The following CYP2R1 variants were observed in gnomAD, a reference collection of about 807,000 sequenced individuals.
The protein encoded by CYP2R1 is cytochrome P450 family 2 subfamily R member 1.
Under a neutral mutation model 45.7 loss-of-function variants are expected in CYP2R1, and 40 were observed. The ratio of observed to expected loss-of-function variants is 0.87; its 90% CI spans 0.68 to 1.14. The LOEUF is 1.14. CYP2R1 is among the 50% of genes most tolerant of loss of function. The pLI, the probability that CYP2R1 is intolerant of heterozygous loss-of-function variation, is 0.00. For synonymous variants in CYP2R1, 234 were observed against 219.3 expected, an observed-to-expected ratio of 1.07 and a Z score of -0.59; for missense variants, 605 against 602.6, an observed-to-expected ratio of 1.00 and a Z score of -0.04.
intron 1 of CYP2R1, among the ~76,000 whole-genome samples, chr11:14,888,238 C>A (rs782267803): frequency 2.6e-5 from 4 of 152,146 alleles, no homozygotes; most frequent in Non-Finnish European, 4.4e-5. Context: ...CTGTCTTCCC[C>A]CAACTAGAAT....
In CYP2R1 at chr11:14,885,821, C is replaced by T; in HGVS notation, c.322G>A (p.Asp108Asn). ...CLVHQSEIFA[D>N]RPCLPLFMKM... ...ATGAATAAAGGAAGGCATGGTCTGT[C>T]TGCAAAAATTTCGCTTTGATGAACA... The change falls in exon 2 of 5, where the codon GAC becomes AAC. Residue 108 changes from aspartate to asparagine, a missense_variant. Coordinates refer to ENST00000334636, the MANE Select transcript of CYP2R1 (RefSeq NM_024514.5). 6.2e-7 allele frequency: 1 copy of T among 1,613,472 alleles called. No homozygotes were observed. The highest frequency in any genetic ancestry group is 2.2e-5 in the East Asian group (1 of 44,860).
chr11:14,878,337 C>T (rs782272712), intron 4 of CYP2R1, 40 bp from the exon 5 acceptor site: 3 of 1,580,830 alleles, frequency 1.9e-6, no homozygotes, highest in Non-Finnish European at 2.6e-6. Context: ...TTTAAACCCA[C>T]AATCTTTACC....
chr11:14,886,037 G>A, intron 1 of CYP2R1, 120 bp from the exon 2 acceptor site: 1 of 942,546 alleles, frequency 1.1e-6, no homozygotes, highest in Non-Finnish European at 1.7e-6. Flanking sequence ...TGAAAATATA[G>A]GCAGTTATTA....
chr11:14,884,074 C>G (rs1471490214), intron 2 of CYP2R1, among the ~76,000 whole-genome samples: 1 of 152,076 alleles, frequency 6.6e-6, no homozygotes, highest in South Asian at 2.1e-4. Context: ...TACTTTTACA[C>G]TGTTGGTGGG....
intron 1 of CYP2R1, 33 bp downstream of exon 1, chr11:14,891,948 G>A: frequency 1.2e-6 from 2 of 1,605,176 alleles, no homozygotes; most frequent in Non-Finnish European, 1.7e-6. Flanking sequence ...CAGCCTGGCG[G>A]CCCTCCCTGC....
Position 14,879,359 on chromosome 11 carries a change from T to C in CYP2R1, c.1085A>G (p.Glu362Gly). 6.2e-7 allele frequency: 1 copy of C among 1,611,992 alleles called. No homozygotes were observed. Among genetic ancestry groups the C allele is most frequent in the Non-Finnish European group, 8.5e-7 (1 of 1,179,514 alleles). ...WDDKCKMPYT[E>G]AVLHEVLRFC... The stretch of plus-strand genomic sequence containing the variant: ...TCTTAAAACTTCATGCAAAACTGCC[T>C]CAGTATAAGGCATTTTGCATTTGTC... Residue 362 changes from glutamate (E) to glycine (G), a missense_variant, in exon 4 of 5, where the codon GAG (glutamate) becomes GGG (glycine). Coordinates refer to ENST00000334636, the MANE Select transcript of CYP2R1 (RefSeq NM_024514.5).
In CYP2R1 at chr11:14,877,781, G is replaced by A. The variant is rs1848212864; in HGVS notation, c.*341C>T. 4 of 223,874 alleles carry A rather than the reference G, an allele frequency of 1.8e-5. No individual in the cohort carries two copies. In the South Asian group the frequency reaches 3.9e-4, roughly 22 times the overall value. 13.9% of individuals were successfully genotyped at this position (223,874 alleles called of 1,614,324 possible). A position where few individuals can be genotyped will look rare whatever the true frequency, so the allele number is the denominator to read the frequency against. ...TGGTTTCTGGAACCAAGGCCCCCCA[G>A]GACAGAAGGCAGATGGAGTCAAGAA... On this transcript the variant is annotated 3_prime_UTR_variant, in exon 5 of 5. Coordinates refer to ENST00000334636, the MANE Select transcript of CYP2R1 (RefSeq NM_024514.5).
At chr11:14,889,180 C>G (rs1041332325) in intron 1 of CYP2R1, among the ~76,000 whole-genome samples, 1 of 101,460 alleles carries the variant, frequency 9.9e-6, no homozygotes. Context: ...TTTTTTTTTT[C>G]TGTGAGCATA....
In CYP2R1 at chr11:14,880,435, C is replaced by T. The variant is rs782006425; in HGVS notation, c.701G>A (p.Trp234Ter). Reference sequence around the variant, plus strand: ...TTTTCCAAAAGGCAGGATGCCAATCCATGGAAAGGCATTATACAAGAAGAC... The same window carrying T: ...TTTTCCAAAAGGCAGGATGCCAATCTATGGAAAGGCATTATACAAGAAGAC... ...ASVFLYNAFP[W>*]IGILPFGKHQ... Residue 234 changes from tryptophan (W) to a stop codon, truncating the protein, a stop_gained, in exon 3 of 5, where the codon TGG (tryptophan) becomes TAG (stop). Coordinates refer to ENST00000334636, the MANE Select transcript of CYP2R1 (RefSeq NM_024514.5). LOFTEE classifies it high-confidence loss of function. 1.9e-6 allele frequency: 3 copies of T among 1,613,378 alleles called. No homozygotes were observed. The highest frequency in any genetic ancestry group is 2.2e-5 in the East Asian group (1 of 44,856).
intron 2 of CYP2R1, among the ~76,000 whole-genome samples, chr11:14,882,975 A>G (rs1848450867): frequency 6.6e-6 from 1 of 152,200 alleles, no homozygotes; most frequent in Non-Finnish European, 1.5e-5. Context: ...CCAACTTACA[A>G]GGGATGTGAA....
intron 1 of CYP2R1, chr11:14,891,681 A>C: frequency 4.3e-6 from 5 of 1,170,660 alleles, no homozygotes; most frequent in Non-Finnish European, 5.3e-6. Context: ...TGGCGAGCCA[A>C]ACGGCGCAGG....
chr11:14,884,801 C>T (rs1479656906), intron 2 of CYP2R1, among the ~76,000 whole-genome samples: 1 of 152,062 alleles, frequency 6.6e-6, no homozygotes, highest in East Asian at 1.9e-4. Flanking sequence ...AATAAATTTA[C>T]AGCTTTGAAA....
At chr11:14,892,353 C>T (rs1198187828), upstream of CYP2R1, 6 of 728,940 alleles carry the variant, frequency 8.2e-6, no homozygotes, top group Non-Finnish European at 1.1e-5. Context: ...CAGGCCCCTT[C>T]GGGACAACTA....
rs782244452 is a variant in CYP2R1, at chr11:14,879,293, G to C, written c.1151C>G (p.Ser384Cys). 47 of 1,613,194 alleles carry C rather than the reference G, an allele frequency of 2.9e-5. No individual in the cohort carries two copies. The highest frequency in any genetic ancestry group is 3.8e-5 in the Non-Finnish European group (45 of 1,179,556). ...ATAACCACGTACAACTGCATCTTCA[G>C]AGGTTGCATGGAAAATCCCTAATGG... is the stretch of plus-strand genomic sequence containing the variant. ...IVPLGIFHAT[S>C]EDAVVRGYSI... is the part of the protein sequence containing the mutation. Residue 384 changes from serine to cysteine, a missense_variant, in exon 4 of 5, where the codon TCT becomes TGT. Transcript: ENST00000334636.
rs1006394570 is a variant in CYP2R1, at chr11:14,877,789, G to T, written c.*333C>A. 5 of 231,158 alleles carry T rather than the reference G, an allele frequency of 2.2e-5. No individual in the cohort carries two copies. In the East Asian group the frequency reaches 5.2e-4, roughly 24 times the overall value. The allele number at this position is 231,158 out of a possible 1,614,324, so 14.3% of individuals were successfully genotyped here. A position where few individuals can be genotyped will look rare whatever the true frequency, so the allele number is the denominator to read the frequency against. On this transcript the variant is annotated 3_prime_UTR_variant, in exon 5 of 5. Transcript: ENST00000334636. ...GGAACCAAGGCCCCCCAGGACAGAA[G>T]GCAGATGGAGTCAAGAAGGGATGAA...
chr11:14,885,824 C>CA lies in CYP2R1; in HGVS notation c.318dup (p.Ala107CysfsTer29), dbSNP rs1222413361. ...AATAAAGGAAGGCATGGTCTGTCTGCAAAAATTTCGCTTTGATGAACAAGG... is the reference window on the plus strand; with the variant it reads ...AATAAAGGAAGGCATGGTCTGTCTGCAAAAAATTTCGCTTTGATGAACAAGG... On this transcript the variant is annotated frameshift_variant, in exon 2 of 5. Transcript: ENST00000334636. LOFTEE classifies it high-confidence loss of function. 3 of 1,613,360 alleles carry CA rather than the reference C, an allele frequency of 1.9e-6. No individual in the cohort carries two copies. The African/African-American group carries it at 4.0e-5, about 22-fold the overall frequency.
intron 1 of CYP2R1, chr11:14,887,639 C>A: frequency 1.0e-6 from 1 of 985,338 alleles, no homozygotes; most frequent in Non-Finnish European, 1.2e-6. Flanking sequence ...CCTTCTAGAT[C>A]ACTCCATGAT....
At chr11:14,878,648 C>T (rs370271285) in intron 4 of CYP2R1, among the ~76,000 whole-genome samples, 7 of 152,238 alleles carry the variant, frequency 4.6e-5, no homozygotes, top group African/African-American at 1.7e-4. Flanking sequence ...AGTGTGTATT[C>T]TTCTCCAGTG....
At chr11:14,878,944 CAG>C (rs1286375304) in intron 4 of CYP2R1, among the ~76,000 whole-genome samples, 168 bp downstream of exon 4, 20 of 152,122 alleles carry the variant, frequency 1.3e-4, no homozygotes, top group Non-Finnish European at 2.6e-4. Flanking sequence ...TAAGCCGAAA[CAG>C]ATGTTAATTA....
Sources: allele counts gnomAD v4.1 joint callset (sites outside exome capture counted in the v4.1 genomes callset), GRCh38; gene constraint gnomAD v4.1.1; transcripts MANE v1.5; gene names NCBI Gene and HGNC (gene_info 2026-07-23, HGNC 2026-07-21).